MED13: variants seen among roughly 807,000 people sequenced by gnomAD.
The protein encoded by MED13 is mediator complex subunit 13.
Under a neutral mutation model 225.2 loss-of-function variants are expected in MED13, and 23 were observed. The observed-to-expected ratio is 0.10, with a 90% CI of 0.07 to 0.14. The LOEUF (loss-of-function observed/expected upper bound fraction) is 0.14. Among genes scored for constraint, MED13 ranks in the 10% least tolerant of loss-of-function variants. MED13 has a pLI of 1.00. For missense variants in MED13, 2,197 were observed against 2,594.5 expected, an observed-to-expected ratio of 0.85 and a Z score of 3.33; for synonymous variants, 942 against 889.2, an observed-to-expected ratio of 1.06 and a Z score of -1.06.
chr17:61,985,700 A>G (rs2080241650), intron 12 of MED13, among the ~76,000 whole-genome samples: 1 of 152,146 alleles, frequency 6.6e-6, no homozygotes, highest in Non-Finnish European at 1.5e-5. Flanking sequence ...AAAACCTGCA[A>G]TAAGAAGGGG....
rs528016143 is a variant in MED13, at chr17:62,009,407, G to C, written c.1967+1143C>G. ...ATACATCAGAAAAAAAAGAAAAATG[G>C]ACTAAAAAATACGATGACTAGGCAA... is the stretch of plus-strand genomic sequence containing the variant. On this transcript the variant is annotated intron_variant, in intron 9 of 29. Coordinates refer to ENST00000397786, the MANE Select transcript of MED13 (RefSeq NM_005121.3). 2.6e-5 allele frequency among the ~76,000 whole-genome samples: 4 copies of C among 152,094 alleles called. No homozygotes were observed. The South Asian group carries it at 8.3e-4, about 32-fold the overall frequency.
chr17:62,062,962 C>G (rs1189519642), intron 2 of MED13, 105 bp downstream of exon 2: 1 of 765,274 alleles, frequency 1.3e-6, no homozygotes, highest in Non-Finnish European at 2.1e-6. Context: ...ATCTGGCCTC[C>G]TAAGTCTCCC....
intron 11 of MED13, among the ~76,000 whole-genome samples, chr17:61,988,601 T>C (rs926646787): frequency 6.6e-6 from 1 of 152,200 alleles, no homozygotes; most frequent in Admixed American, 6.5e-5. Context: ...TACTCCAGAA[T>C]GTAGCATATG....
intron 8 of MED13, among the ~76,000 whole-genome samples, chr17:62,020,764 T>C (rs1412587694): frequency 1.3e-5 from 2 of 148,166 alleles, no homozygotes; most frequent in South Asian, 2.1e-4. Flanking sequence ...CATAGGACAA[T>C]AGTGGAGGGA....
At chr17:62,017,538 T>A (rs565649822) in intron 8 of MED13, among the ~76,000 whole-genome samples, 135 of 152,346 alleles carry the variant, frequency 8.9e-4, no homozygotes, top group African/African-American at 3.2e-3. Context: ...GGTTCAAAAC[T>A]ATTTTCATAA....
At chr17:62,046,770 G>A (rs1411481192) in intron 3 of MED13, among the ~76,000 whole-genome samples, 1 of 152,066 alleles carries the variant, frequency 6.6e-6, no homozygotes, top group Admixed American at 6.6e-5. Flanking sequence ...CTGGCAGTTT[G>A]GGCTGCAATG....
At chr17:61,995,035 G>A (rs2080335633) in intron 10 of MED13, 117 bp downstream of exon 10, 1 of 807,840 alleles carries the variant, frequency 1.2e-6, no homozygotes, top group Admixed American at 3.0e-5. Flanking sequence ...CTAAATAAAT[G>A]ATTACTCTTT....
At chr17:62,064,936 A>C (rs1283528681) in intron 1 of MED13, among the ~76,000 whole-genome samples, 1 of 152,208 alleles carries the variant, frequency 6.6e-6, no homozygotes, top group African/African-American at 2.4e-5. Context: ...AAAAAATGCC[A>C]ACACTCCCCT....
intron 2 of MED13, among the ~76,000 whole-genome samples, chr17:62,054,798 C>T (rs2080984116): frequency 6.6e-6 from 1 of 152,144 alleles, no homozygotes; most frequent in Non-Finnish European, 1.5e-5. Flanking sequence ...CACCTCTTTA[C>T]AATCAATTTA....
Position 61,968,194 on chromosome 17 carries a change from A to G in MED13, c.4032T>C (p.Tyr1344=), listed in dbSNP as rs1476493566. 1.2e-6 allele frequency: 2 copies of G among 1,614,024 alleles called. No homozygotes were observed. The highest frequency in any genetic ancestry group is 1.7e-6 in the Non-Finnish European group (2 of 1,179,998). Residue 1344 remains tyrosine (Y), a synonymous_variant, in exon 18 of 30, where the codon TAT becomes TAC. Coordinates refer to ENST00000397786, the MANE Select transcript of MED13 (RefSeq NM_005121.3). ...GAAGAGCAAATGGAGAAAGCACCAG[A>G]TAATCATAATCATAACCCAACAAAA... is the stretch of plus-strand genomic sequence containing the variant. ...PTFLLGYDYD[Y]LVLSPFALPY... is the part of the protein sequence containing the mutation.
intron 8 of MED13, among the ~76,000 whole-genome samples, chr17:62,022,861 T>C (rs2080662857): frequency 6.6e-6 from 1 of 151,898 alleles, no homozygotes; most frequent in South Asian, 2.1e-4. Flanking sequence ...TATTTAAAAA[T>C]TATCCGAGCA....
chr17:62,062,008 T>C (rs901423025), intron 2 of MED13, among the ~76,000 whole-genome samples: 2 of 152,178 alleles, frequency 1.3e-5, no homozygotes, highest in Non-Finnish European at 2.9e-5. Context: ...CCTACATAAA[T>C]GTTGGTCTTA....
In MED13 at chr17:61,969,295, T is replaced by G. The variant is rs539034003; in HGVS notation, c.3968-1037A>C. On this transcript the variant is annotated intron_variant, in intron 17 of 29. Coordinates refer to ENST00000397786, the MANE Select transcript of MED13 (RefSeq NM_005121.3). The stretch of plus-strand genomic sequence containing the variant: ...TGAACCCAGGGGGTGGAGGTTGCGG[T>G]GAGCTGAGATTGCACCAGTGCACGT... Among the ~76,000 whole-genome samples, 3 of 152,050 alleles carry G rather than the reference T, an allele frequency of 2.0e-5. No homozygotes were observed. The East Asian group carries it at 5.8e-4, about 30-fold the overall frequency.
chr17:62,010,899 G>A lies in MED13; in HGVS notation c.1618C>T (p.Pro540Ser), dbSNP rs1233356265. 1 of 1,613,948 alleles carries A rather than the reference G, an allele frequency of 6.2e-7. No homozygotes were observed. Among genetic ancestry groups the A allele is most frequent in the African/African-American group, 1.3e-5 (1 of 75,056 alleles). Residue 540 changes from proline (P) to serine (S), a missense_variant, in exon 9 of 30, where the codon CCT becomes TCT. Physicochemically the swap from Pro to Ser is moderately conservative, Grantham distance 74. Transcript: ENST00000397786. ...SPQPPPLSPH[P>S]CDVVDEGVTK... ...ACTCCTTCATCAACCACATCACAAG[G>A]GTGAGGACTAAGTGGGGGTGGTTGA...
chr17:62,040,722 A>G (rs1441068519), intron 3 of MED13, among the ~76,000 whole-genome samples: 2 of 152,196 alleles, frequency 1.3e-5, no homozygotes, highest in African/African-American at 4.8e-5. Context: ...AAAATGGGCA[A>G]AAGACTTCAA....
In MED13 at chr17:61,946,428, T is replaced by A; in HGVS notation, c.*40A>T. On this transcript the variant is annotated 3_prime_UTR_variant, in exon 30 of 30. Transcript: ENST00000397786. ...TTAATCCTGCAGCGAAACATCCATT[T>A]TTCCTTGTTCTTTTCTTGCACAGTT... 1 of 1,597,870 alleles carries A rather than the reference T, an allele frequency of 6.3e-7. No individual in the cohort carries two copies. Among genetic ancestry groups the A allele is most frequent in the South Asian group, 1.1e-5 (1 of 90,222 alleles).
At chr17:61,976,278 T>C (rs369362081) in intron 16 of MED13, among the ~76,000 whole-genome samples, 7 of 152,290 alleles carry the variant, frequency 4.6e-5, no homozygotes, top group East Asian at 3.9e-4. Flanking sequence ...GAAAACATTA[T>C]GGAAAGCGAA....
At chr17:61,952,230 T>G (rs573665717) in intron 27 of MED13, among the ~76,000 whole-genome samples, 3 of 152,172 alleles carry the variant, frequency 2.0e-5, no homozygotes, top group Non-Finnish European at 4.4e-5. Context: ...TGTTATTAAC[T>G]GAAGCCCAGT....
At chr17:61,992,433 A>G in intron 11 of MED13, 107 bp downstream of exon 11, 1 of 631,420 alleles carries the variant, frequency 1.6e-6, no homozygotes, top group Non-Finnish European at 2.7e-6. Context: ...TTTCTATGAA[A>G]CATAATGAAT....
Sources: gnomAD v4.1 joint callset for allele counts (sites outside exome capture counted in the v4.1 genomes callset) on GRCh38, gnomAD v4.1.1 for gene constraint, MANE v1.5 for transcripts, NCBI Gene and HGNC (gene_info 2026-07-23, HGNC 2026-07-21) for gene names.